Variants in RNF169 observed in about 807,000 individuals in gnomAD.
RNF169 encodes the protein ring finger protein 169, also known as E3 ubiquitin-protein ligase RNF169.
Under a neutral mutation model 53.9 loss-of-function variants are expected in RNF169, and 24 were observed. The ratio of observed to expected loss-of-function variants is 0.45; its 90% CI spans 0.32 to 0.63. The LOEUF (loss-of-function observed/expected upper bound fraction) is 0.63, where lower values mean the gene tolerates loss of function less well. Ranked by LOEUF, RNF169 falls within the 20% of genes least tolerant of loss-of-function variation. The pLI is 0.04. For synonymous variants in RNF169, 396 were observed against 363.5 expected, an observed-to-expected ratio of 1.09 and a Z score of -1.02; for missense variants, 883 against 906.2, an observed-to-expected ratio of 0.97 and a Z score of 0.33.
intron 1 of RNF169, among the ~76,000 whole-genome samples, chr11:74,752,642 A>T (rs1296175226): frequency 5.9e-5 from 9 of 151,492 alleles, no homozygotes; most frequent in Admixed American, 5.9e-4. Flanking sequence ...CAGTTTATGG[A>T]TCTATCTACA....
Position 74,835,420 on chromosome 11 carries a change from C to T in RNF169, c.943-126C>T, listed in dbSNP as rs1448984044. 12 of 688,302 alleles carry T rather than the reference C, an allele frequency of 1.7e-5. No homozygotes were observed. The Admixed American group carries it at 3.4e-4, about 20-fold the overall frequency. 42.6% of individuals were successfully genotyped at this position (688,302 alleles called of 1,614,324 possible). On this transcript the variant is annotated intron_variant, in intron 5 of 5. Transcript: ENST00000299563. ...TTAGGGATTTTCTCCATTTCTTAGG[C>T]TCACATTACCCTTCATCCCTTTTCT...
chr11:74,830,604 A>T (rs949005439), intron 4 of RNF169: 1 of 152,052 alleles, frequency 6.6e-6, no homozygotes, highest in East Asian at 1.9e-4. Context: ...TGGTGATTCT[A>T]TCAAACAACT....
At chr11:74,749,840 G>A (rs2135295597) in intron 1 of RNF169, among the ~76,000 whole-genome samples, 1 of 152,268 alleles carries the variant, frequency 6.6e-6, no homozygotes, top group South Asian at 2.1e-4. Flanking sequence ...ATTTGAGGAT[G>A]TGAAGGGAGC....
intron 1 of RNF169, among the ~76,000 whole-genome samples, chr11:74,784,882 T>G (rs556450468): frequency 6.6e-6 from 1 of 152,176 alleles, no homozygotes; most frequent in African/African-American, 2.4e-5. Flanking sequence ...AAGAAAAGGA[T>G]AGACAGGCCT....
Position 74,836,671 on chromosome 11 carries a change from C to T in RNF169, c.2068C>T (p.Arg690Ter), listed in dbSNP as rs1416883206. 1.9e-6 allele frequency: 3 copies of T among 1,613,510 alleles called. No homozygotes were observed. Among genetic ancestry groups the T allele is most frequent in the Admixed American group, 3.3e-5 (2 of 60,014 alleles). The change falls in exon 6 of 6, where the codon CGA becomes TGA. Residue 690 changes from arginine (R) to a stop codon, truncating the protein, a stop_gained. Transcript: ENST00000299563. LOFTEE classifies it high-confidence loss of function. The stretch of plus-strand genomic sequence containing the variant: ...CAATGAGAGGCGGACTGTGAGCCGG[C>T]GAAAAGGAAGTGTGGATCAGTATCT... ...FDNERRTVSR[R>*]KGSVDQYLLR...
At chr11:74,814,286 T>G (rs1331305013) in intron 3 of RNF169, among the ~76,000 whole-genome samples, 2 of 151,692 alleles carry the variant, frequency 1.3e-5, no homozygotes, top group African/African-American at 4.8e-5. Flanking sequence ...GCTGAGATCA[T>G]GCTACTATAC....
chr11:74,770,923 A>G (rs775159461), intron 1 of RNF169, among the ~76,000 whole-genome samples: 29 of 152,112 alleles, frequency 1.9e-4, no homozygotes, highest in Non-Finnish European at 3.8e-4. Flanking sequence ...CTCCTGCCTC[A>G]GCCTCCCGAG....
chr11:74,841,342 T>A lies in RNF169; in HGVS notation c.*4612T>A, dbSNP rs1205424314. The A allele has an allele frequency of 6.6e-6, 1 of 152,132 alleles. No individual in the cohort carries two copies. 9.4% of individuals were successfully genotyped at this position (152,132 alleles called of 1,614,324 possible). A position where few individuals can be genotyped will look rare whatever the true frequency, so the allele number is the denominator to read the frequency against. ...ATTCTAGGGAAAGTGCTGAAGAGAT[T>A]TTCTTCTGAAGATGATCTAGGAAAT... On this transcript the variant is annotated 3_prime_UTR_variant, in exon 6 of 6. Coordinates refer to ENST00000299563, the MANE Select transcript of RNF169 (RefSeq NM_001098638.2).
At chr11:74,829,085 AATCT>A (rs2036138912) in intron 4 of RNF169, among the ~76,000 whole-genome samples, 1 of 152,218 alleles carries the variant, frequency 6.6e-6, no homozygotes, top group Admixed American at 6.5e-5. Context: ...AAATTTTTGC[AATCT>A]ATCCATCTGA....
At chr11:74,790,865 G>A (rs2035568974) in intron 2 of RNF169, among the ~76,000 whole-genome samples, 1 of 152,220 alleles carries the variant, frequency 6.6e-6, no homozygotes, top group South Asian at 2.1e-4. Flanking sequence ...TGGCTTGGGA[G>A]CACCTCAGTC....
At chr11:74,754,194 T>A (rs1565168032) in intron 1 of RNF169, among the ~76,000 whole-genome samples, 1 of 152,190 alleles carries the variant, frequency 6.6e-6, no homozygotes, top group African/African-American at 2.4e-5. Context: ...ATATTCTAAA[T>A]TTAGAGACAT....
chr11:74,833,073 G>A (rs2036203228), intron 4 of RNF169, among the ~76,000 whole-genome samples: 1 of 152,150 alleles, frequency 6.6e-6, no homozygotes, highest in Non-Finnish European at 1.5e-5. Context: ...CGTGATACAG[G>A]CTGGCCACCT....
chr11:74,782,303 G>A (rs1224237502), intron 1 of RNF169, among the ~76,000 whole-genome samples: 3 of 152,158 alleles, frequency 2.0e-5, no homozygotes, highest in Admixed American at 6.5e-5. Context: ...GCAGATCCAC[G>A]TCATATAGAT....
intron 1 of RNF169, 75 bp from the exon 2 acceptor site, chr11:74,789,551 C>T (rs1376068768): frequency 1.2e-6 from 1 of 820,442 alleles, no homozygotes; most frequent in East Asian, 2.4e-5. Flanking sequence ...TTTATATAAC[C>T]CACATGTATT....
intron 1 of RNF169, among the ~76,000 whole-genome samples, chr11:74,767,585 T>A (rs1361546894): frequency 7.2e-5 from 11 of 151,906 alleles, no homozygotes; most frequent in African/African-American, 2.4e-4. Context: ...TTATTTATTT[T>A]TTGAGATGGA....
intron 2 of RNF169, among the ~76,000 whole-genome samples, chr11:74,795,872 A>T (rs2035642317): frequency 6.6e-6 from 1 of 152,224 alleles, no homozygotes. Context: ...AAAATAAAAA[A>T]TAAAGCAGAC....
chr11:74,840,783 CCCA>C lies in RNF169; in HGVS notation c.*4055_*4057del, dbSNP rs961009603. On this transcript the variant is annotated 3_prime_UTR_variant, in exon 6 of 6. Transcript: ENST00000299563. Reference sequence around the variant, plus strand: ...TTAAACTTCTTCTCTGCCCCCCGCCCCCACTTTTTTTTTTTTTTTTTTTTAACC... The same window carrying C: ...TTAAACTTCTTCTCTGCCCCCCGCCCCTTTTTTTTTTTTTTTTTTTTAACC... 5.0e-5 allele frequency: 7 copies of C among 141,312 alleles called. No individual in the cohort carries two copies. The highest frequency in any genetic ancestry group is 2.4e-4 in the South Asian group (1 of 4,252). The allele number at this position is 141,312 out of a possible 1,614,324, so 8.8% of individuals were successfully genotyped here. A position where few individuals can be genotyped will look rare whatever the true frequency, so the allele number is the denominator to read the frequency against.
rs1255390895 is a variant in RNF169, at chr11:74,837,490, A to AG, written c.*764dup. On this transcript the variant is annotated 3_prime_UTR_variant, in exon 6 of 6. Transcript: ENST00000299563. ...ATAGATCACAACCTAAGGGTGTGCC[A>AG]GGGGAGCCTAGGGGAAGCTAGGCTG... is the stretch of plus-strand genomic sequence containing the variant. 3 of 152,228 alleles carry AG rather than the reference A, an allele frequency of 2.0e-5. No homozygotes were observed. The highest frequency in any genetic ancestry group is 1.3e-4 in the Admixed American group (2 of 15,300). 9.4% of individuals were successfully genotyped at this position (152,228 alleles called of 1,614,324 possible). A position where few individuals can be genotyped will look rare whatever the true frequency, so the allele number is the denominator to read the frequency against.
intron 1 of RNF169, among the ~76,000 whole-genome samples, chr11:74,750,699 A>G (rs1443647726): frequency 7.2e-6 from 1 of 138,190 alleles, no homozygotes; most frequent in African/African-American, 2.7e-5. Context: ...CCACCCCTTC[A>G]GGTTCAAGCG....
Sources: gnomAD v4.1 joint callset for allele counts (sites outside exome capture counted in the v4.1 genomes callset) on GRCh38, gnomAD v4.1.1 for gene constraint, MANE v1.5 for transcripts, NCBI Gene and HGNC (gene_info 2026-07-23, HGNC 2026-07-21) for gene names.